CD55: variants seen among roughly 807,000 people sequenced by gnomAD.
The protein encoded by CD55 is complement decay-accelerating factor.
In CD55, 41 loss-of-function variants were observed where a neutral mutation model predicts 45.8. That is an observed-to-expected ratio of 0.90 (90% CI 0.70 to 1.16). CD55 has a LOEUF of 1.16. Among genes scored for constraint, CD55 ranks in the 50% most tolerant of loss-of-function variants. The pLI, the probability that CD55 is intolerant of heterozygous loss-of-function variation, is 0.00. For missense variants in CD55, 416 were observed against 469.8 expected, an observed-to-expected ratio of 0.89 and a Z score of 1.06; for synonymous variants, 181 against 181.1, an observed-to-expected ratio of 1.00 and a Z score of 0.01.
chr1:207,347,443 G>A (rs1257729), intron 9 of CD55: 98,054 of 348,422 alleles, frequency 0.28, 16,423 homozygotes, highest in East Asian at 0.58. Flanking sequence ...GTATTTTTCA[G>A]TAGAGACGGT....
At chr1:207,334,911 AC>A (rs1655101916) in intron 6 of CD55, among the ~76,000 whole-genome samples, 1 of 15,456 alleles carries the variant, frequency 6.5e-5, no homozygotes, top group Admixed American at 6.5e-4. Context: ...CTAGTTCTTT[AC>A]TATTTACAAG....
rs561646251 is a variant in CD55 at position 207,352,872 on chromosome 1, A to AT, written c.1082-6666dup. Reference sequence around the variant, plus strand: ...TTTCTCTGTGGCAAGTACTGTACTGATTTTTTTTAATGTATTATTTCATAT... The same window carrying AT: ...TTTCTCTGTGGCAAGTACTGTACTGATTTTTTTTTAATGTATTATTTCATAT... On this transcript the variant is annotated intron_variant, in intron 9 of 9. Transcript: ENST00000367064. Among the ~76,000 whole-genome samples the AT allele has an allele frequency of 2.8e-3, 418 of 151,774 alleles. 3 individuals are homozygous for AT. The highest frequency in any genetic ancestry group is 9.4e-3 in the African/African-American group (390 of 41,394).
At chr1:207,337,925 A>G (rs1373420543) in intron 8 of CD55, among the ~76,000 whole-genome samples, 1 of 152,340 alleles carries the variant, frequency 6.6e-6, no homozygotes. Flanking sequence ...AAGGCTCTAT[A>G]AACGATAGGT....
chr1:207,347,597 G>A (rs1484208102), intron 9 of CD55: 1 of 217,644 alleles, frequency 4.6e-6, no homozygotes, highest in Non-Finnish European at 9.6e-6. Context: ...TTTTATTTTA[G>A]GTTTGGGAGG....
At chr1:207,347,303 A>T (rs1397401426) in intron 9 of CD55, 3 of 439,188 alleles carry the variant, frequency 6.8e-6, no homozygotes, top group South Asian at 4.8e-5. Flanking sequence ...TCTGTCACCC[A>T]GGCTGGAGTG....
intron 8 of CD55, 111 bp downstream of exon 8, chr1:207,337,520 G>T: frequency 1.5e-6 from 1 of 651,654 alleles, no homozygotes; most frequent in Non-Finnish European, 2.8e-6. Flanking sequence ...TTGTAGCCAG[G>T]GTTTTTCATA....
chr1:207,359,336 C>T (rs1298050085), intron 9 of CD55, among the ~76,000 whole-genome samples: 1 of 151,988 alleles, frequency 6.6e-6, no homozygotes, highest in Non-Finnish European at 1.5e-5. Flanking sequence ...AAAAACTCCA[C>T]GTCACATTTT....
rs1306746439 is a variant in CD55, at chr1:207,336,813, C to G, written c.974C>G (p.Ala325Gly). 1 of 1,613,742 alleles carries G rather than the reference C, an allele frequency of 6.2e-7. No homozygotes were observed. Among genetic ancestry groups the G allele is most frequent in the East Asian group, 2.2e-5 (1 of 44,890 alleles). Reference sequence around the variant, plus strand: ...ACCACAAAAACCACCACACCAAATGCTCAAGGTACAGAGACTCCATCAGTT... The same window carrying G: ...ACCACAAAAACCACCACACCAAATGGTCAAGGTACAGAGACTCCATCAGTT... ...KTTTKTTTPN[A>G]QATRSTPVSR... The change falls in exon 7 of 10, where the codon GCT becomes GGT. Residue 325 changes from alanine (A) to glycine (G), a missense_variant. Ala to Gly is a moderately conservative substitution (Grantham distance 60). Coordinates refer to ENST00000367064, the MANE Select transcript of CD55 (RefSeq NM_000574.5).
chr1:207,321,823 CG>C lies in CD55; in HGVS notation c.60del (p.Leu21CysfsTer40). ...GCTGCCCCTCCTCGGGGAGCTGCCCCGGCTGCTGCTGCTGGTGCTGTTGTGC... is the reference window on the plus strand; with the variant it reads ...GCTGCCCCTCCTCGGGGAGCTGCCCCGCTGCTGCTGCTGGTGCTGTTGTGC... ...AALPLLGELP[R>X]LLLLVLLCLP... On this transcript the variant is annotated frameshift_variant, in exon 1 of 10. Transcript: ENST00000367064. LOFTEE classifies it high-confidence loss of function. 6.5e-7 allele frequency: 1 copy of C among 1,529,678 alleles called. No homozygotes were observed. Among genetic ancestry groups the C allele is most frequent in the East Asian group, 2.5e-5 (1 of 40,308 alleles). The allele number at this position is 1,529,678 out of a possible 1,614,324, so 94.8% of individuals were successfully genotyped here.
At chr1:207,337,203 A>G (rs10746462) in intron 7 of CD55, 126 bp from the exon 8 acceptor site, 472,275 of 686,688 alleles carry the variant, frequency 0.69, 164,550 homozygotes, top group Middle Eastern at 0.81. Flanking sequence ...ACAGCCCAAA[A>G]ATTCACCACA....
At chr1:207,337,520 G>A (rs967991557) in intron 8 of CD55, 111 bp downstream of exon 8, 2 of 651,542 alleles carry the variant, frequency 3.1e-6, no homozygotes, top group Admixed American at 2.6e-5. Flanking sequence ...TTGTAGCCAG[G>A]GTTTTTCATA....
chr1:207,359,516 CTT>C (rs56236833), intron 9 of CD55, 28 bp from the exon 10 acceptor site: 3,249 of 1,276,932 alleles, frequency 2.5e-3, no homozygotes, highest in Admixed American at 5.6e-3. Context: ...TTGATTTTAA[CTT>C]TTTTTTTTTT....
Position 207,359,676 on chromosome 1 carries a change from C to G in CD55, c.*66C>G, listed in dbSNP as rs781037530. 5.2e-6 allele frequency: 8 copies of G among 1,530,792 alleles called. 1 individual carries two copies. In the Admixed American group the frequency reaches 9.5e-5, roughly 18 times the overall value. 94.8% of individuals were successfully genotyped at this position (1,530,792 alleles called of 1,614,324 possible). On this transcript the variant is annotated 3_prime_UTR_variant, in exon 10 of 10. Transcript: ENST00000367064. ...ACTGTTCCTAGTTTCTTAGACTTAT[C>G]TGCATATTGGATAAAATAAATGCAA...
intron 9 of CD55, among the ~76,000 whole-genome samples, chr1:207,357,244 G>C (rs1361754951): frequency 6.6e-6 from 1 of 152,022 alleles, no homozygotes; most frequent in East Asian, 1.9e-4. Context: ...TATTCTAGCT[G>C]TCATGATAGC....
intron 3 of CD55, 84 bp downstream of exon 3, chr1:207,324,834 A>G (rs555169585): frequency 2.5e-5 from 18 of 722,660 alleles, no homozygotes; most frequent in Middle Eastern, 3.2e-4. Context: ...CTAGAACTCT[A>G]TGTGTATATA....
intron 6 of CD55, among the ~76,000 whole-genome samples, chr1:207,335,263 A>G (rs1655117492): frequency 6.6e-6 from 1 of 152,206 alleles, no homozygotes; most frequent in South Asian, 2.1e-4. Context: ...TCTGAGCAAC[A>G]ATTAAACATA....
intron 6 of CD55, among the ~76,000 whole-genome samples, chr1:207,332,238 G>T (rs1483682061): frequency 6.6e-6 from 1 of 151,860 alleles, no homozygotes; most frequent in African/African-American, 2.4e-5. Context: ...CAATGGTGTG[G>T]GTATTCATTT....
chr1:207,341,942 G>GT (rs1354761830), intron 9 of CD55, among the ~76,000 whole-genome samples: 2 of 151,860 alleles, frequency 1.3e-5, no homozygotes, highest in Non-Finnish European at 2.9e-5. Context: ...AGTTTTCCTT[G>GT]TAGGGGTCTT....
intron 9 of CD55, among the ~76,000 whole-genome samples, chr1:207,346,217 G>A (rs941788079): frequency 6.6e-6 from 1 of 152,212 alleles, no homozygotes; most frequent in Non-Finnish European, 1.5e-5. Flanking sequence ...CAGTTTCCAG[G>A]TCTGCAGGTG....
Sources: allele counts gnomAD v4.1 joint callset (sites outside exome capture counted in the v4.1 genomes callset), GRCh38; gene constraint gnomAD v4.1.1; transcripts MANE v1.5; gene names NCBI Gene and HGNC (gene_info 2026-07-23, HGNC 2026-07-21).